Variants in FBN3 observed in about 807,000 individuals in gnomAD.
FBN3 encodes the protein fibrillin 3.
FBN3 carries 234 observed loss-of-function variants against 330.1 expected under a neutral mutation model. The observed-to-expected ratio is 0.71, with a 90% CI of 0.64 to 0.79. The LOEUF is 0.79. FBN3 is among the 30% of genes least tolerant of loss of function. The pLI is 0.00. For missense variants in FBN3, 3,606 were observed against 3,886.9 expected (o/e 0.93, Z 1.92); for synonymous variants, 1,458 against 1,517.3 (o/e 0.96, Z 0.91).
intron 6 of FBN3, among the ~76,000 whole-genome samples, 195 bp downstream of exon 6, chr19:8,144,682 C>T (rs1449959945): frequency 2.0e-5 from 3 of 151,892 alleles, no homozygotes; most frequent in Non-Finnish European, 2.9e-5. Context: ...CACAGGTGCT[C>T]GCTCAGAGCC....
At chr19:8,136,723 A>G (rs1568450475) in intron 10 of FBN3, among the ~76,000 whole-genome samples, 192 bp from the exon 11 acceptor site, 1 of 152,100 alleles carries the variant, frequency 6.6e-6, no homozygotes. Flanking sequence ...AGATCCCTCC[A>G]ACCTGGGACC....
At position 8,117,253 on chromosome 19, in the gene FBN3, C is replaced by T. The variant is rs2082726168; in HGVS notation, c.3502G>A (p.Val1168Met). 4 of 1,613,606 alleles carry T rather than the reference C, an allele frequency of 2.5e-6. No individual in the cohort carries two copies. The highest frequency in any genetic ancestry group is 1.7e-4 in the Middle Eastern group (1 of 6,060). The change falls in exon 28 of 64, where the codon GTG (valine) becomes ATG (methionine). Residue 1168 changes from valine to methionine, a missense_variant. Physicochemically the swap from Val to Met is conservative, Grantham distance 21. Transcript: ENST00000600128. ...ECRVQNGGCD[V>M]HCINTEGSYR... Reference sequence around the variant, plus strand: ...CTGCCCTCAGTGTTAATACAGTGCACGTCACACCCACCATTCTGGACCCGG... The same window carrying T: ...CTGCCCTCAGTGTTAATACAGTGCATGTCACACCCACCATTCTGGACCCGG...
chr19:8,123,831 A>G lies in FBN3; in HGVS notation c.2909T>C (p.Leu970Pro). The G allele has an allele frequency of 6.2e-7, 1 of 1,613,112 alleles. No individual in the cohort carries two copies. The highest frequency in any genetic ancestry group is 8.5e-7 in the Non-Finnish European group (1 of 1,179,912). The stretch of plus-strand genomic sequence containing the variant: ...CAGGAAGTCCCGGCTGGCGAAGCCC[A>G]GCCCCCGCGGGCACAGGCTGGCGAA... ...LEFASLCPRGLGFASRDFLSG... is the reference protein window; with the variant it reads ...LEFASLCPRGPGFASRDFLSG... Residue 970 changes from leucine (L) to proline (P), a missense_variant, in exon 23 of 64, where the codon CTG (leucine) becomes CCG (proline). Leu to Pro is a moderately conservative substitution (Grantham distance 98). Coordinates refer to ENST00000600128, the MANE Select transcript of FBN3 (RefSeq NM_032447.5).
In FBN3 at chr19:8,110,888, G is replaced by C; in HGVS notation, c.4290C>G (p.Cys1430Trp). Residue 1430 changes from cysteine to tryptophan, a missense_variant, in exon 34 of 64, where the codon TGC becomes TGG. Cys to Trp is a radical substitution (Grantham distance 215). Coordinates refer to ENST00000600128, the MANE Select transcript of FBN3 (RefSeq NM_032447.5). ...ENLPGMFRCI[C>W]NGGYELDRGG... The stretch of plus-strand genomic sequence containing the variant: ...CTCGGTCCAGTTCGTAGCCACCATT[G>C]CAGATGCAGCGGAACATTCCAGGCA... 1 of 1,614,232 alleles carries C rather than the reference G, an allele frequency of 6.2e-7. No individual in the cohort carries two copies. The highest frequency in any genetic ancestry group is 8.5e-7 in the Non-Finnish European group (1 of 1,180,046).
At position 8,072,122 on chromosome 19, in the gene FBN3, C is replaced by A; in HGVS notation, c.8014G>T (p.Ala2672Ser). ...CCATTGATCTTGCATTCGTAGCAGGCTTCAGACGAGAGCAGCTCCTCTTTG... is the reference window on the plus strand; with the variant it reads ...CCATTGATCTTGCATTCGTAGCAGGATTCAGACGAGAGCAGCTCCTCTTTG... Reference protein sequence around the residue: ...PDKEELLSSEACYECKINGLS... With the variant: ...PDKEELLSSESCYECKINGLS... Residue 2672 changes from alanine to serine, a missense_variant, in exon 63 of 64, where the codon GCC becomes TCC. Transcript: ENST00000600128. 1 of 1,610,742 alleles carries A rather than the reference C, an allele frequency of 6.2e-7. No individual in the cohort carries two copies. The highest frequency in any genetic ancestry group is 8.5e-7 in the Non-Finnish European group (1 of 1,178,822).
intron 18 of FBN3, among the ~76,000 whole-genome samples, chr19:8,128,643 C>T (rs1182588400): frequency 2.6e-5 from 4 of 151,914 alleles, no homozygotes. Flanking sequence ...AATGTAGGTA[C>T]ATATGCAAGT....
chr19:8,128,586 GT>G (rs2083049750), intron 18 of FBN3, among the ~76,000 whole-genome samples: 1 of 151,830 alleles, frequency 6.6e-6, no homozygotes, highest in Non-Finnish European at 1.5e-5. Context: ...AAGAATACGT[GT>G]GTATGTAAAT....
intron 5 of FBN3, among the ~76,000 whole-genome samples, 158 bp downstream of exon 5, chr19:8,145,680 CAAAAA>C (rs56250248): frequency 4.6e-5 from 5 of 108,702 alleles, no homozygotes; most frequent in Admixed American, 9.7e-5. Context: ...GACTCTGTCT[CAAAAA>C]AAAAAAAAAA....
In FBN3 at chr19:8,090,547, G is replaced by A. The variant is rs192429658; in HGVS notation, c.6032-296C>T. Reference sequence around the variant, plus strand: ...TGACCAGGCTGGAGTGCAGTGGCACGATCTCAGCTCACTGCAACCTCTACC... The same window carrying A: ...TGACCAGGCTGGAGTGCAGTGGCACAATCTCAGCTCACTGCAACCTCTACC... On this transcript the variant is annotated intron_variant, in intron 48 of 63. Coordinates refer to ENST00000600128, the MANE Select transcript of FBN3 (RefSeq NM_032447.5). Among the ~76,000 whole-genome samples the A allele has an allele frequency of 2.7e-3, 404 of 149,966 alleles. 4 individuals are homozygous for A. The highest frequency in any genetic ancestry group is 7.9e-4 in the East Asian group (4 of 5,082).
chr19:8,119,458 C>T (rs537908987), intron 25 of FBN3, among the ~76,000 whole-genome samples: 3 of 152,332 alleles, frequency 2.0e-5, no homozygotes, highest in South Asian at 4.1e-4. Context: ...TTTGCACATG[C>T]TGTTCTCCAG....
chr19:8,121,412 G>A lies in FBN3; in HGVS notation c.3083-26C>T, dbSNP rs1441747154. 2.6e-6 allele frequency: 4 copies of A among 1,568,180 alleles called. No individual in the cohort carries two copies. Among genetic ancestry groups the A allele is most frequent in the Non-Finnish European group, 2.6e-6 (3 of 1,154,400 alleles). On this transcript the variant is annotated intron_variant, in intron 24 of 63. Coordinates refer to ENST00000600128, the MANE Select transcript of FBN3 (RefSeq NM_032447.5). This position sits in a 1 kb window ranked among gnomAD's most constrained non-coding sequence, Gnocchi z 4.5. ...CTGTGGGGAGAGGGGGCAGAGGCCGGAGGCGCCATGTGGGCCGCATCATGG... is the reference window on the plus strand; with the variant it reads ...CTGTGGGGAGAGGGGGCAGAGGCCGAAGGCGCCATGTGGGCCGCATCATGG...
At chr19:8,135,936 G>GGGGGGGGGGGGGGGCGCCCCCCCCCCC in intron 13 of FBN3, 25 bp downstream of exon 13, 2 of 668,770 alleles carry the variant, frequency 3.0e-6, no homozygotes, top group Non-Finnish European at 4.8e-6. Flanking sequence ...GGAAGCCCCT[G>GGGGGGGGGGGGGGGCGCCCCCCCCCCC]CCCACCCGCC....
chr19:8,104,924 TC>T (rs199802053), intron 38 of FBN3, among the ~76,000 whole-genome samples: 6,288 of 128,806 alleles, frequency 0.049, 166 homozygotes, highest in South Asian at 0.09. Context: ...CTTTCTTTCT[TC>T]TCTTTCTTTC....
At chr19:8,089,995 C>A (rs757939751) in intron 49 of FBN3, 36 bp from the exon 50 acceptor site, 7 of 1,603,526 alleles carry the variant, frequency 4.4e-6, no homozygotes, top group Non-Finnish European at 6.0e-6. Context: ...AGAGTCAGGG[C>A]CTAGGTGCAG....
intron 38 of FBN3, among the ~76,000 whole-genome samples, chr19:8,103,937 A>G (rs1056821504): frequency 1.3e-5 from 2 of 151,370 alleles, no homozygotes; most frequent in Non-Finnish European, 1.5e-5. Flanking sequence ...GGAGTTCGAG[A>G]CCAGTCTGGG....
chr19:8,115,389 C>A (rs940096322), intron 30 of FBN3, 126 bp downstream of exon 30: 1 of 1,238,044 alleles, frequency 8.1e-7, no homozygotes, highest in African/African-American at 1.5e-5. Flanking sequence ...CACAAGAAGC[C>A]ATCCGTGGAA....
chr19:8,080,435 G>A lies in FBN3; in HGVS notation c.7453+568C>T, dbSNP rs527622121. ...CAGGAGCGCTCTGGGGAGGCTCTGG[G>A]AGGGAGATCCAGCAGGGACTTGTCA... On this transcript the variant is annotated intron_variant, in intron 59 of 63. Transcript: ENST00000600128. 2.0e-5 allele frequency among the ~76,000 whole-genome samples: 3 copies of A among 152,312 alleles called. No individual in the cohort carries two copies. In the South Asian group the frequency reaches 6.2e-4, roughly 32 times the overall value.
intron 24 of FBN3, among the ~76,000 whole-genome samples, chr19:8,123,002 G>A (rs1470169719): frequency 1.3e-5 from 2 of 151,912 alleles, no homozygotes; most frequent in African/African-American, 2.4e-5. Flanking sequence ...GCAGCCCAAG[G>A]AGGGCAATCA....
chr19:8,082,042 C>T (rs1290900601), intron 57 of FBN3, among the ~76,000 whole-genome samples: 2 of 151,986 alleles, frequency 1.3e-5, no homozygotes, highest in African/African-American at 2.4e-5. Context: ...CAGCTCACTG[C>T]ACCCTCCGCC....
Sources: gnomAD v4.1 joint callset for allele counts (sites outside exome capture counted in the v4.1 genomes callset) on GRCh38, gnomAD v4.1.1 for gene constraint, Gnocchi (gnomAD v3.1) non-coding constraint, MANE v1.5 for transcripts, NCBI Gene and HGNC (gene_info 2026-07-23, HGNC 2026-07-21) for gene names.